MECOM: variants seen among roughly 807,000 people sequenced by gnomAD.
The protein encoded by MECOM is MDS1 and EVI1 complex locus.
MECOM carries 13 observed loss-of-function variants against 116.3 expected under a neutral mutation model. The ratio of observed to expected loss-of-function variants is 0.11; its 90% confidence interval spans 0.07 to 0.18. The LOEUF is 0.18. Ranked by LOEUF, MECOM falls within the 10% of genes least tolerant of loss-of-function variation. The probability of loss-of-function intolerance (pLI) is 1.00; values close to 1 mark genes in which losing one functional copy is unlikely to be tolerated. For missense variants in MECOM, 1,299 were observed against 1,509.0 expected, an observed-to-expected ratio of 0.86 and a Z score of 2.31; for synonymous variants, 528 against 535.2, an observed-to-expected ratio of 0.99 and a Z score of 0.19.
intron 2 of MECOM, among the ~76,000 whole-genome samples, chr3:169,326,033 C>T (rs1208926683): frequency 6.6e-6 from 1 of 151,818 alleles, no homozygotes; most frequent in Non-Finnish European, 1.5e-5. Flanking sequence ...TAACATGGCA[C>T]AATAAGGGCC....
At chr3:169,637,513 G>T (rs183629026) in intron 1 of MECOM, among the ~76,000 whole-genome samples, 4 of 152,218 alleles carry the variant, frequency 2.6e-5, no homozygotes, top group South Asian at 4.2e-4. Flanking sequence ...AAGTTGTCCC[G>T]GGCCTCAGAT....
chr3:169,226,150 C>A (rs1752701906), intron 2 of MECOM, among the ~76,000 whole-genome samples: 1 of 152,176 alleles, frequency 6.6e-6, no homozygotes, highest in Non-Finnish European at 1.5e-5. Flanking sequence ...TATTCTCTCA[C>A]CACCCCTGCC....
chr3:169,532,506 T>C (rs1482400250), intron 1 of MECOM, among the ~76,000 whole-genome samples: 1 of 152,204 alleles, frequency 6.6e-6, no homozygotes, highest in Non-Finnish European at 1.5e-5. Context: ...GAGGATTCCA[T>C]GCTAGATGAG....
chr3:169,549,748 G>C lies in MECOM; in HGVS notation c.37+113588C>G, dbSNP rs1761153768. On this transcript the variant is annotated intron_variant, in intron 1 of 16. Transcript: ENST00000651503. Reference sequence around the variant, plus strand: ...AATTAAAACCCAGATTTTCAGCATAGCTTTTCTGAAATAAGTGTTCCTGTG... The same window carrying C: ...AATTAAAACCCAGATTTTCAGCATACCTTTTCTGAAATAAGTGTTCCTGTG... Among the ~76,000 whole-genome samples, 3 of 152,308 alleles carry C rather than the reference G, an allele frequency of 2.0e-5. No homozygotes were observed. The South Asian group carries it at 6.2e-4, about 32-fold the overall frequency.
intron 1 of MECOM, among the ~76,000 whole-genome samples, chr3:169,478,616 C>A (rs370804046): frequency 6.6e-6 from 1 of 152,240 alleles, no homozygotes; most frequent in African/African-American, 2.4e-5. Context: ...AAGGCTTAAC[C>A]ACCCACGGGA....
chr3:169,628,652 G>A (rs887833561), intron 1 of MECOM, among the ~76,000 whole-genome samples: 16 of 152,144 alleles, frequency 1.1e-4, no homozygotes, highest in African/African-American at 3.9e-4. Flanking sequence ...AATTCATTCC[G>A]CAGTGCAGTG....
chr3:169,086,231 T>C (rs1030275187), intron 16 of MECOM, among the ~76,000 whole-genome samples: 6 of 152,196 alleles, frequency 3.9e-5, no homozygotes, highest in African/African-American at 1.4e-4. Context: ...ATTTAACAAA[T>C]ATTTCTTAAG....
At chr3:169,367,238 C>T (rs185730328) in intron 2 of MECOM, among the ~76,000 whole-genome samples, 3 of 152,100 alleles carry the variant, frequency 2.0e-5, no homozygotes, top group Admixed American at 6.5e-5. Context: ...TACTGAAAGA[C>T]TAAGAAAGTG....
chr3:169,124,044 C>A (rs1037536628), intron 5 of MECOM, among the ~76,000 whole-genome samples: 8 of 152,016 alleles, frequency 5.3e-5, no homozygotes, highest in African/African-American at 1.9e-4. Flanking sequence ...GAAATTAATC[C>A]AGGTAATAAA....
intron 2 of MECOM, among the ~76,000 whole-genome samples, chr3:169,356,294 GA>G (rs1322559059): frequency 5.9e-5 from 9 of 151,636 alleles, no homozygotes; most frequent in African/African-American, 9.7e-5. Flanking sequence ...TTTCCCCAGA[GA>G]AAAAAAACCA....
At chr3:169,232,779 C>T (rs1753559517) in intron 2 of MECOM, among the ~76,000 whole-genome samples, 2 of 152,002 alleles carry the variant, frequency 1.3e-5, no homozygotes, top group Admixed American at 1.3e-4. Context: ...CCATTCAAAG[C>T]TTCAGTGAAT....
intron 2 of MECOM, among the ~76,000 whole-genome samples, chr3:169,345,073 G>C (rs753669535): frequency 6.6e-6 from 1 of 152,070 alleles, no homozygotes; most frequent in Non-Finnish European, 1.5e-5. Context: ...CAGTTAATGT[G>C]AACTCCACAG....
At chr3:169,327,393 A>G (rs1293492148) in intron 2 of MECOM, among the ~76,000 whole-genome samples, 1 of 152,182 alleles carries the variant, frequency 6.6e-6, no homozygotes, top group Non-Finnish European at 1.5e-5. Context: ...TAATCCCAAC[A>G]CTTTGGGAGG....
chr3:169,653,428 C>A (rs372647830), intron 1 of MECOM, among the ~76,000 whole-genome samples: 1 of 152,082 alleles, frequency 6.6e-6, no homozygotes, highest in South Asian at 2.1e-4. Context: ...ATGATAAAGA[C>A]AATTCCATAC....
intron 3 of MECOM, among the ~76,000 whole-genome samples, chr3:169,141,460 G>C (rs1297707395): frequency 6.6e-6 from 1 of 152,002 alleles, no homozygotes; most frequent in Non-Finnish European, 1.5e-5. Flanking sequence ...TATGTGATGA[G>C]TTGTGCTTAT....
chr3:169,372,552 C>T (rs1018675221), intron 2 of MECOM, among the ~76,000 whole-genome samples: 1 of 151,806 alleles, frequency 6.6e-6, no homozygotes, highest in African/African-American at 2.4e-5. Context: ...ATAATTAGAC[C>T]ATCCAGAGAT....
chr3:169,213,369 G>A (rs867913885), intron 2 of MECOM, among the ~76,000 whole-genome samples: 24 of 152,082 alleles, frequency 1.6e-4, no homozygotes, highest in Non-Finnish European at 2.9e-4. Flanking sequence ...AGGAATATAT[G>A]AGAAATTAGA....
At chr3:169,538,169 G>A (rs1759615820) in intron 1 of MECOM, among the ~76,000 whole-genome samples, 1 of 152,150 alleles carries the variant, frequency 6.6e-6, no homozygotes, top group South Asian at 2.1e-4. Context: ...CCACTTCTCT[G>A]TCCCCATCAC....
At chr3:169,635,321 A>G (rs1339579346) in intron 1 of MECOM, among the ~76,000 whole-genome samples, 2 of 152,228 alleles carry the variant, frequency 1.3e-5, no homozygotes, top group African/African-American at 4.8e-5. Context: ...TATCATCATC[A>G]TTATTACCAT....
Sources: allele counts gnomAD v4.1 joint callset (sites outside exome capture counted in the v4.1 genomes callset), GRCh38; gene constraint gnomAD v4.1.1; transcripts MANE v1.5; gene names NCBI Gene and HGNC (gene_info 2026-07-23, HGNC 2026-07-21).